Variants in MDGA2 observed in about 807,000 individuals in gnomAD.
MDGA2 encodes the protein MAM domain containing glycosylphosphatidylinositol anchor 2.
Under a neutral mutation model 117.8 loss-of-function variants are expected in MDGA2, and 40 were observed. That is an observed-to-expected ratio of 0.34 (90% CI 0.26 to 0.44). The LOEUF is 0.44. Among genes scored for constraint, MDGA2 ranks in the 20% least tolerant of loss-of-function variants. MDGA2 has a pLI of 1.00. For missense variants in MDGA2, 1,123 were observed against 1,250.6 expected (o/e 0.90, Z 1.54); for synonymous variants, 452 against 439.0 (o/e 1.03, Z -0.37).
At chr14:47,149,714 G>C (rs1482137539) in intron 3 of MDGA2, among the ~76,000 whole-genome samples, 3 of 152,158 alleles carry the variant, frequency 2.0e-5, no homozygotes, top group Non-Finnish European at 1.5e-5. Context: ...GCTTCCAAGA[G>C]CCATCCTAGC....
At chr14:46,942,901 G>C (rs1464885844) in intron 9 of MDGA2, among the ~76,000 whole-genome samples, 1 of 151,798 alleles carries the variant, frequency 6.6e-6, no homozygotes, top group Non-Finnish European at 1.5e-5. Flanking sequence ...ATTTCTGTTG[G>C]GTAAATTAAT....
At chr14:47,159,860 T>C (rs2139270248) in intron 3 of MDGA2, among the ~76,000 whole-genome samples, 3 of 152,338 alleles carry the variant, frequency 2.0e-5, no homozygotes, top group African/African-American at 7.2e-5. Flanking sequence ...ATCTTTTGGT[T>C]ATTTTTCTAT....
rs371854793 is a variant in MDGA2, at chr14:46,874,145, A to G, written c.2493T>C (p.Asp831=). The change falls in exon 13 of 17, where the codon GAT becomes GAC. Residue 831 remains aspartate (D), a synonymous_variant. Coordinates refer to ENST00000399232, the MANE Select transcript of MDGA2 (RefSeq NM_001113498.3). ...GCTTTGTCCAGTCAAAATTATCTGT[A>G]TCATCTTGAGTGAACAAACAAATAT... ...DGNICLFTQD[D]TDNFDWTKQS... is the part of the protein sequence containing the mutation. The G allele has an allele frequency of 1.3e-6, 2 of 1,535,784 alleles. No homozygotes were observed. Among genetic ancestry groups the G allele is most frequent in the South Asian group, 2.6e-5 (2 of 76,132 alleles).
At chr14:46,868,134 T>A (rs1881851390) in intron 14 of MDGA2, among the ~76,000 whole-genome samples, 1 of 151,894 alleles carries the variant, frequency 6.6e-6, no homozygotes, top group African/African-American at 2.4e-5. Context: ...CTCAAGGAGT[T>A]TACAATTTTA....
At chr14:47,633,886 C>A (rs1242203831) in intron 1 of MDGA2, among the ~76,000 whole-genome samples, 1 of 152,082 alleles carries the variant, frequency 6.6e-6, no homozygotes, top group Non-Finnish European at 1.5e-5. Flanking sequence ...AGGATTGGTG[C>A]AAACTCTATT....
chr14:47,330,663 TTATAA>T (rs1890267659), intron 1 of MDGA2, among the ~76,000 whole-genome samples: 1 of 151,844 alleles, frequency 6.6e-6, no homozygotes, highest in African/African-American at 2.4e-5. Context: ...ACAGTAAATA[TTATAA>T]TAAAGCTATA....
intron 1 of MDGA2, among the ~76,000 whole-genome samples, chr14:47,502,648 TG>T (rs1894421846): frequency 2.0e-5 from 3 of 152,192 alleles, no homozygotes; most frequent in Non-Finnish European, 4.4e-5. Context: ...GATAATCCTT[TG>T]GGGGTTTTTT....
chr14:47,503,785 T>C (rs944404125), intron 1 of MDGA2, among the ~76,000 whole-genome samples: 4 of 152,216 alleles, frequency 2.6e-5, no homozygotes, highest in African/African-American at 9.6e-5. Flanking sequence ...TGGTTGCCAA[T>C]ACCAATGCAT....
chr14:47,105,481 A>G (rs1318988658), intron 5 of MDGA2, among the ~76,000 whole-genome samples: 1 of 151,746 alleles, frequency 6.6e-6, no homozygotes. Context: ...TGTGTTCTCA[A>G]AAACTTAAAA....
chr14:46,991,440 T>A (rs745407365), intron 8 of MDGA2, among the ~76,000 whole-genome samples: 3 of 152,170 alleles, frequency 2.0e-5, no homozygotes, highest in Admixed American at 6.6e-5. Flanking sequence ...CTGGATAATT[T>A]GCCTTAATAG....
chr14:47,371,899 T>C (rs187531953), intron 1 of MDGA2, among the ~76,000 whole-genome samples: 62 of 151,904 alleles, frequency 4.1e-4, no homozygotes, highest in Middle Eastern at 6.8e-3. Context: ...ATAACTAACC[T>C]TTTTTGAAGA....
intron 5 of MDGA2, among the ~76,000 whole-genome samples, chr14:47,099,343 A>G (rs1367468038): frequency 1.3e-5 from 2 of 151,962 alleles, no homozygotes; most frequent in Non-Finnish European, 2.9e-5. Context: ...TTTATCAAGC[A>G]AGCTTCAGTG....
intron 1 of MDGA2, among the ~76,000 whole-genome samples, chr14:47,623,916 T>G (rs544802845): frequency 1.3e-5 from 2 of 152,332 alleles, no homozygotes; most frequent in East Asian, 3.9e-4. Context: ...CAAATTCTTT[T>G]GTTTAATTCC....
intron 2 of MDGA2, among the ~76,000 whole-genome samples, chr14:47,242,506 G>A (rs1422260183): frequency 6.6e-6 from 1 of 151,846 alleles, no homozygotes; most frequent in Non-Finnish European, 1.5e-5. Context: ...AGTTCCGGGT[G>A]GGCGTGGGCT....
intron 8 of MDGA2, among the ~76,000 whole-genome samples, chr14:47,024,402 G>A (rs1016986269): frequency 6.6e-6 from 1 of 152,118 alleles, no homozygotes; most frequent in Non-Finnish European, 1.5e-5. Context: ...CAAAGAAACA[G>A]AATACTCAAG....
chr14:47,491,977 T>C (rs1196033642), intron 1 of MDGA2, among the ~76,000 whole-genome samples: 9 of 152,142 alleles, frequency 5.9e-5, no homozygotes, highest in African/African-American at 1.9e-4. Context: ...TTTCTATTTA[T>C]GGCAATGACA....
At position 47,529,536 on chromosome 14, in the gene MDGA2, A is replaced by G. The variant is rs558136728; in HGVS notation, c.280+144981T>C. Reference sequence around the variant, plus strand: ...ATTTTATTATAATAGAGAAGATTTAATTAAATAATAATAAAGAAAAACATG... The same window carrying G: ...ATTTTATTATAATAGAGAAGATTTAGTTAAATAATAATAAAGAAAAACATG... On this transcript the variant is annotated intron_variant, in intron 1 of 16. Coordinates refer to ENST00000399232, the MANE Select transcript of MDGA2 (RefSeq NM_001113498.3). Among the ~76,000 whole-genome samples the G allele has an allele frequency of 5.9e-4, 90 of 152,244 alleles. 1 individual carries two copies. Among genetic ancestry groups the G allele is most frequent in the African/African-American group, 2.0e-3 (85 of 41,566 alleles).
chr14:47,502,605 T>C (rs963307968), intron 1 of MDGA2, among the ~76,000 whole-genome samples: 2 of 152,190 alleles, frequency 1.3e-5, no homozygotes, highest in Admixed American at 6.5e-5. Flanking sequence ...CTGAAATAGT[T>C]TGTGAATCCA....
chr14:47,645,126 A>G (rs1248969336), intron 1 of MDGA2, among the ~76,000 whole-genome samples: 1 of 152,212 alleles, frequency 6.6e-6, no homozygotes, highest in Non-Finnish European at 1.5e-5. Context: ...TTAAGATAAC[A>G]TATTTGAATG....
Sources: gnomAD v4.1 joint callset for allele counts (sites outside exome capture counted in the v4.1 genomes callset) on GRCh38, gnomAD v4.1.1 for gene constraint, MANE v1.5 for transcripts, NCBI Gene and HGNC (gene_info 2026-07-23, HGNC 2026-07-21) for gene names.